SPATA3: variants seen among roughly 807,000 people sequenced by gnomAD.
SPATA3 encodes spermatogenesis-associated protein 3.
A neutral mutation model predicts 5.7 loss-of-function variants in SPATA3; 6 were observed. The ratio of observed to expected loss-of-function variants is 1.06; its 90% confidence interval spans 0.58 to 2.09. The LOEUF (loss-of-function observed/expected upper bound fraction) is 2.09, where lower values mean the gene tolerates loss of function less well. Among genes scored for constraint, SPATA3 ranks in the 30% most tolerant of loss-of-function variants. The pLI is 0.00. For synonymous variants in SPATA3, 44 were observed against 48.4 expected (o/e 0.91, Z 0.37); for missense variants, 155 against 130.4 (o/e 1.19, Z -0.92).
At chr2:231,018,969 CT>C (rs10652495) in intron 6 of SPATA3, among the ~76,000 whole-genome samples, 49 of 126,290 alleles carry the variant, frequency 3.9e-4, no homozygotes, top group East Asian at 6.9e-4. Context: ...TTTTCTTTTT[CT>C]TTTTTTTTTT....
downstream of SPATA3, among the ~76,000 whole-genome samples, chr2:231,004,805 T>C (rs1223856466): frequency 6.6e-6 from 1 of 152,082 alleles, no homozygotes; most frequent in African/African-American, 2.4e-5. Context: ...TAAATGGAGA[T>C]AATCATAGCA....
At chr2:231,002,786 C>A in exon 3 of SPATA3, 1 of 1,500,416 alleles carries the variant, frequency 6.7e-7, no homozygotes, top group Non-Finnish European at 8.9e-7. Flanking sequence ...TACTACATCA[C>A]TGAATCCTTG....
chr2:230,996,501 A>G (rs1239245744), intron 1 of SPATA3: 1 of 1,552,122 alleles, frequency 6.4e-7, no homozygotes, highest in Non-Finnish European at 8.7e-7. Context: ...TCCAGATGCT[A>G]ACGTGAAGGC....
rs556513836 is a variant in SPATA3, at chr2:231,002,384, T to C, written c.963-300T>C. 2.6e-5 allele frequency among the ~76,000 whole-genome samples: 4 copies of C among 152,188 alleles called. No homozygotes were observed. In the East Asian group the frequency reaches 7.7e-4, roughly 29 times the overall value. ...CTGGAAGAAGACACTGGGTGTGAGGTATTTAGCACAAGGCCTGGCTCACAG... is the reference window on the plus strand; with the variant it reads ...CTGGAAGAAGACACTGGGTGTGAGGCATTTAGCACAAGGCCTGGCTCACAG... On this transcript the variant is annotated intron_variant, in intron 2 of 2. Coordinates refer to ENST00000645363, the Ensembl canonical transcript of SPATA3.
chr2:231,017,968 A>G (rs1328966628), intron 6 of SPATA3, among the ~76,000 whole-genome samples: 2 of 151,736 alleles, frequency 1.3e-5, no homozygotes, highest in Non-Finnish European at 2.9e-5. Context: ...TCTGTCACCC[A>G]GGTTGGAGTG....
chr2:231,018,829 C>T (rs911958269), intron 6 of SPATA3, among the ~76,000 whole-genome samples: 15 of 151,916 alleles, frequency 9.9e-5, no homozygotes, highest in Non-Finnish European at 1.2e-4. Context: ...GGATTACAGG[C>T]ACGTGCCACC....
chr2:231,014,560 A>C (rs932268903), intron 6 of SPATA3, among the ~76,000 whole-genome samples: 3 of 152,098 alleles, frequency 2.0e-5, no homozygotes, highest in Admixed American at 2.0e-4. Context: ...TTTGAGGGGC[A>C]TCCTGGGGGA....
downstream of SPATA3, among the ~76,000 whole-genome samples, chr2:231,007,814 T>C (rs1692680985): frequency 6.6e-6 from 1 of 152,144 alleles, no homozygotes; most frequent in Admixed American, 6.5e-5. Flanking sequence ...TAGTTCAAGG[T>C]GATCCCAGCA....
chr2:231,005,364 CCATCAT>C (rs1559197746), downstream of SPATA3, among the ~76,000 whole-genome samples: 4 of 73,876 alleles, frequency 5.4e-5, no homozygotes, highest in Admixed American at 1.3e-4. Flanking sequence ...ACCACCACCA[CCATCAT>C]CACCACCATC....
chr2:231,004,941 C>A (rs1179040713), downstream of SPATA3, among the ~76,000 whole-genome samples: 2 of 148,714 alleles, frequency 1.3e-5, no homozygotes, highest in African/African-American at 2.5e-5. Context: ...ACTGTCAGCA[C>A]CATCACCATT....
chr2:230,998,536 C>G (rs138188648), intron 1 of SPATA3, among the ~76,000 whole-genome samples: 28 of 152,292 alleles, frequency 1.8e-4, no homozygotes, highest in Non-Finnish European at 3.7e-4. Context: ...CCAGTGGTTA[C>G]AGCAGACACC....
chr2:231,000,669 T>A, intron 2 of SPATA3, 132 bp downstream of exon 2: 1 of 1,064,294 alleles, frequency 9.4e-7, no homozygotes, highest in Non-Finnish European at 1.3e-6. Context: ...TTTCTTTCCC[T>A]CTTTGCTTTG....
chr2:231,005,011 C>CATT (rs113057640), downstream of SPATA3, among the ~76,000 whole-genome samples: 29 of 7,890 alleles, frequency 3.7e-3, no homozygotes, highest in Non-Finnish European at 3.5e-3. Context: ...TCATCACCAC[C>CATT]ATCATCACCA....
chr2:231,000,382 C>T (rs1256833678), exon 2 of SPATA3: 27 of 1,518,618 alleles, frequency 1.8e-5, no homozygotes, highest in South Asian at 8.7e-5. Context: ...TGATTCGCGC[C>T]GGCCCGCATT....
chr2:231,009,520 A>C (rs1264596568), downstream of SPATA3, among the ~76,000 whole-genome samples: 2 of 152,144 alleles, frequency 1.3e-5, no homozygotes, highest in African/African-American at 4.8e-5. Flanking sequence ...CACAATAAAG[A>C]ACCATCCCAC....
intron 1 of SPATA3, 118 bp downstream of exon 1, chr2:230,996,652 G>C: frequency 7.6e-7 from 1 of 1,308,522 alleles, no homozygotes; most frequent in South Asian, 1.5e-5. Context: ...CTGGAGCTGT[G>C]CTGTAGAGTG....
intron 1 of SPATA3, among the ~76,000 whole-genome samples, chr2:230,998,424 T>A (rs944966158): frequency 1.3e-4 from 20 of 152,214 alleles, no homozygotes; most frequent in African/African-American, 4.6e-4. Context: ...AGCAAGACTT[T>A]CCATTCCCAA....
intron 6 of SPATA3, among the ~76,000 whole-genome samples, chr2:231,015,040 G>A (rs1409070845): frequency 1.3e-5 from 2 of 151,706 alleles, no homozygotes; most frequent in African/African-American, 4.8e-5. Flanking sequence ...AGTCCCAACT[G>A]AGGAGAGAGG....
chr2:231,000,719 C>T (rs972983653), intron 2 of SPATA3, among the ~76,000 whole-genome samples, 182 bp downstream of exon 2: 1 of 152,152 alleles, frequency 6.6e-6, no homozygotes, highest in Non-Finnish European at 1.5e-5. Context: ...CCTTTCTGAC[C>T]GGCCCCACCC....
Sources: allele counts gnomAD v4.1 joint callset (sites outside exome capture counted in the v4.1 genomes callset), GRCh38; gene constraint gnomAD v4.1.1; transcripts MANE v1.5; gene names NCBI Gene and HGNC (gene_info 2026-07-23, HGNC 2026-07-21).